The following CREB5 variants were observed in gnomAD, a reference collection of about 807,000 sequenced individuals.
The protein encoded by CREB5 is cyclic AMP-responsive element-binding protein 5.
A neutral mutation model predicts 57.1 loss-of-function variants in CREB5; 19 were observed. The observed-to-expected ratio is 0.33, with a 90% confidence interval of 0.23 to 0.49. CREB5 has a LOEUF of 0.49. Ranked by LOEUF, CREB5 falls within the 20% of genes least tolerant of loss-of-function variation. The pLI, the probability that CREB5 is intolerant of heterozygous loss-of-function variation, is 0.99. For missense variants in CREB5, 579 were observed against 671.6 expected (o/e 0.86, Z 1.52); for synonymous variants, 238 against 238.3 (o/e 1.00, Z 0.01).
intron 4 of CREB5, among the ~76,000 whole-genome samples, chr7:28,520,247 C>T (rs1793148575): frequency 6.6e-6 from 1 of 152,154 alleles, no homozygotes; most frequent in African/African-American, 2.4e-5. Flanking sequence ...TTATAACTTG[C>T]TATGCTCACA....
At chr7:28,349,866 T>C (rs1216264571) in intron 1 of CREB5, among the ~76,000 whole-genome samples, 2 of 152,232 alleles carry the variant, frequency 1.3e-5, no homozygotes, top group Non-Finnish European at 2.9e-5. Flanking sequence ...ACTTCAGAGA[T>C]AGCTGTGAGT....
intron 5 of CREB5, 41 bp from the exon 6 acceptor site, chr7:28,718,712 G>A (rs369630831): frequency 6.2e-7 from 1 of 1,607,808 alleles, no homozygotes; most frequent in African/African-American, 1.3e-5. Context: ...CAGGGCCAGG[G>A]CACCAGGAAT....
At chr7:28,387,839 A>G (rs1394815516) in intron 1 of CREB5, among the ~76,000 whole-genome samples, 1 of 152,176 alleles carries the variant, frequency 6.6e-6, no homozygotes, top group Non-Finnish European at 1.5e-5. Flanking sequence ...AGAAAAAAAT[A>G]TGTGGTGTTT....
intron 5 of CREB5, among the ~76,000 whole-genome samples, chr7:28,688,191 C>T (rs1271238303): frequency 1.3e-5 from 2 of 152,090 alleles, no homozygotes; most frequent in Non-Finnish European, 1.5e-5. Context: ...AAAAAACAAA[C>T]ATGGTAAACT....
chr7:28,572,890 G>A (rs776062293), intron 5 of CREB5, among the ~76,000 whole-genome samples: 15 of 152,210 alleles, frequency 9.9e-5, no homozygotes, highest in Admixed American at 2.0e-4. Context: ...GGGGTGTTGT[G>A]TGTCGCTCCT....
At chr7:28,782,779 A>G (rs1448274113) in intron 7 of CREB5, among the ~76,000 whole-genome samples, 4 of 152,348 alleles carry the variant, frequency 2.6e-5, no homozygotes, top group Non-Finnish European at 4.4e-5. Context: ...TCAGCAACCA[A>G]TGAGCCAAAA....
At chr7:28,503,587 G>A (rs1027728699) in intron 3 of CREB5, among the ~76,000 whole-genome samples, 7 of 152,128 alleles carry the variant, frequency 4.6e-5, no homozygotes, top group Admixed American at 3.3e-4. Flanking sequence ...CATCCTAGCA[G>A]CCTCTCTCAG....
chr7:28,771,361 A>C (rs944361508), intron 7 of CREB5, among the ~76,000 whole-genome samples: 1 of 152,160 alleles, frequency 6.6e-6, no homozygotes, highest in East Asian at 1.9e-4. Flanking sequence ...TCATCAAGGG[A>C]GCCACCTTAG....
intron 7 of CREB5, among the ~76,000 whole-genome samples, chr7:28,792,873 T>C (rs112821864): frequency 5.8e-4 from 88 of 152,242 alleles, no homozygotes; most frequent in African/African-American, 2.0e-3. Context: ...CAGGGGCTAT[T>C]TACAAATGTG....
At chr7:28,773,317 T>C (rs893513126) in intron 7 of CREB5, among the ~76,000 whole-genome samples, 1 of 152,168 alleles carries the variant, frequency 6.6e-6, no homozygotes, top group Non-Finnish European at 1.5e-5. Context: ...GAAAGTAAAA[T>C]AACCATGAAG....
chr7:28,523,765 G>A (rs1157842648), intron 4 of CREB5, among the ~76,000 whole-genome samples: 1 of 152,102 alleles, frequency 6.6e-6, no homozygotes, highest in Non-Finnish European at 1.5e-5. Flanking sequence ...TCTAATCCAC[G>A]CATGAAAGCT....
At chr7:28,304,760 A>T (rs987364536) in intron 1 of CREB5, among the ~76,000 whole-genome samples, 10 of 152,242 alleles carry the variant, frequency 6.6e-5, no homozygotes, top group Non-Finnish European at 1.2e-4. Context: ...CATTGTAAAA[A>T]ATCAAATAGA....
rs530465698 is a variant in CREB5 at position 28,746,161 on chromosome 7, G to A, written c.702+21829G>A. 2.6e-5 allele frequency among the ~76,000 whole-genome samples: 4 copies of A among 152,286 alleles called. No individual in the cohort carries two copies. The South Asian group carries it at 8.3e-4, about 32-fold the overall frequency. ...GGAGGTACAAAGCTACTTTTGCAAT[G>A]AGCCCCCTTTTTAGTATTACGTGAA... On this transcript the variant is annotated intron_variant, in intron 7 of 10. Transcript: ENST00000357727.
At chr7:28,580,557 T>TGG in intron 5 of CREB5, among the ~76,000 whole-genome samples, 1 of 56,474 alleles carries the variant, frequency 1.8e-5, no homozygotes, top group South Asian at 1.1e-3. Context: ...TTTGGCAAAT[T>TGG]GGTGTGTGTG....
At chr7:28,570,626 G>A (rs1562804066) in intron 5 of CREB5, 89 bp downstream of exon 5, 1 of 1,480,800 alleles carries the variant, frequency 6.8e-7, no homozygotes, top group Non-Finnish European at 9.1e-7. Context: ...GCTCAGATTG[G>A]TTGGTTTTTC....
intron 7 of CREB5, among the ~76,000 whole-genome samples, chr7:28,732,647 A>G (rs1803715855): frequency 6.6e-6 from 1 of 151,636 alleles, no homozygotes; most frequent in African/African-American, 2.4e-5. Flanking sequence ...TGTAGCTTAC[A>G]CTTCCAAGAT....
At chr7:28,659,073 G>C (rs1799487333) in intron 5 of CREB5, among the ~76,000 whole-genome samples, 1 of 150,208 alleles carries the variant, frequency 6.7e-6, no homozygotes, top group East Asian at 2.0e-4. Flanking sequence ...CTCTTCCTCA[G>C]AACACTGGCC....
At chr7:28,326,614 G>A (rs1785613080) in intron 1 of CREB5, among the ~76,000 whole-genome samples, 1 of 152,248 alleles carries the variant, frequency 6.6e-6, no homozygotes, top group African/African-American at 2.4e-5. Flanking sequence ...ATAGACACCA[G>A]TGAACAAGGT....
intron 1 of CREB5, among the ~76,000 whole-genome samples, chr7:28,402,967 C>T (rs1474442784): frequency 6.6e-6 from 1 of 152,154 alleles, no homozygotes; most frequent in Admixed American, 6.5e-5. Context: ...GCACCTGCAC[C>T]TCCAATCCAA....
Sources: allele counts gnomAD v4.1 joint callset (sites outside exome capture counted in the v4.1 genomes callset), GRCh38; gene constraint gnomAD v4.1.1; transcripts MANE v1.5; gene names NCBI Gene and HGNC (gene_info 2026-07-23, HGNC 2026-07-21).